UGCG: variants seen among roughly 807,000 people sequenced by gnomAD.
The protein encoded by UGCG is ceramide glucosyltransferase.
Under a neutral mutation model 49.5 loss-of-function variants are expected in UGCG, and 10 were observed. That is an observed-to-expected ratio of 0.20 (90% confidence interval 0.12 to 0.34). The LOEUF (loss-of-function observed/expected upper bound fraction) is 0.34. Ranked by LOEUF, UGCG falls within the 10% of genes least tolerant of loss-of-function variation. The pLI, the probability that UGCG is intolerant of heterozygous loss-of-function variation, is 1.00. For synonymous variants in UGCG, 182 were observed against 158.2 expected (o/e 1.15, Z -1.13); for missense variants, 312 against 483.7 (o/e 0.65, Z 3.33).
rs536001364 is a variant in UGCG, at chr9:111,929,217, A to T, written c.559-283A>T. 1.1e-4 allele frequency: 33 copies of T among 288,000 alleles called. No homozygotes were observed. The South Asian group carries it at 1.4e-3, about 12-fold the overall frequency. 17.8% of individuals were successfully genotyped at this position (288,000 alleles called of 1,614,324 possible). On this transcript the variant is annotated intron_variant, in intron 5 of 8. Coordinates refer to ENST00000374279, the MANE Select transcript of UGCG (RefSeq NM_003358.3). ...TATTTACATGAACACCCTAAAAACA[A>T]GATACATTGAATATTTGTTAATATT... is the stretch of plus-strand genomic sequence containing the variant.
At chr9:111,925,998 T>C (rs1051971034) in intron 4 of UGCG, among the ~76,000 whole-genome samples, 1 of 152,174 alleles carries the variant, frequency 6.6e-6, no homozygotes, top group African/African-American at 2.4e-5. Flanking sequence ...TTTCCTATGG[T>C]TGGAGAGTAG....
At chr9:111,915,805 A>G in intron 2 of UGCG, 1 of 985,170 alleles carries the variant, frequency 1.0e-6, no homozygotes, top group Non-Finnish European at 1.2e-6. Flanking sequence ...GAGAAGACAC[A>G]GATGTGATAG....
chr9:111,909,863 A>G (rs1172083224), intron 1 of UGCG, among the ~76,000 whole-genome samples: 1 of 152,214 alleles, frequency 6.6e-6, no homozygotes, highest in Non-Finnish European at 1.5e-5. Context: ...GGGGTACACA[A>G]CAAACTGACC....
Position 111,933,948 on chromosome 9 carries a change from A to G in UGCG, c.*951A>G, listed in dbSNP as rs554701894. 7 of 152,156 alleles carry G rather than the reference A, an allele frequency of 4.6e-5. No homozygotes were observed. The highest frequency in any genetic ancestry group is 2.1e-4 in the South Asian group (1 of 4,824). 9.4% of individuals were successfully genotyped at this position (152,156 alleles called of 1,614,324 possible). A position where few individuals can be genotyped will look rare whatever the true frequency, so the allele number is the denominator to read the frequency against. On this transcript the variant is annotated 3_prime_UTR_variant, in exon 9 of 9. Transcript: ENST00000374279. ...TTCAGACACATTTCACACATGAGCT[A>G]TTTTCTTACACAGTATGTCTTATTG...
At chr9:111,915,747 CT>C in intron 2 of UGCG, 1 of 978,782 alleles carries the variant, frequency 1.0e-6, no homozygotes, top group Non-Finnish European at 1.2e-6. Context: ...GCTCTTATTT[CT>C]TTTCTTTTAG....
intron 1 of UGCG, among the ~76,000 whole-genome samples, chr9:111,910,665 T>G (rs757821718): frequency 6.6e-6 from 1 of 152,328 alleles, no homozygotes; most frequent in Middle Eastern, 3.4e-3. Context: ...TCTCTTGGGT[T>G]TTGTTCAGGT....
intron 3 of UGCG, 65 bp from the exon 4 acceptor site, chr9:111,924,712 C>A: frequency 1.3e-6 from 1 of 790,890 alleles, no homozygotes; most frequent in Non-Finnish European, 1.9e-6. Flanking sequence ...TATCATGTAT[C>A]TTTATACTAT....
intron 1 of UGCG, among the ~76,000 whole-genome samples, chr9:111,911,261 G>GTCTTGAAGCATGGACTGAGCTT (rs1837990180): frequency 1.3e-5 from 2 of 152,194 alleles, no homozygotes; most frequent in African/African-American, 4.8e-5. Flanking sequence ...ATGGACTCTA[G>GTCTTGAAGCATGGACTGAGCTT]CACTCAGTCA....
At chr9:111,910,568 T>G (rs907348810) in intron 1 of UGCG, among the ~76,000 whole-genome samples, 3 of 152,160 alleles carry the variant, frequency 2.0e-5, no homozygotes, top group African/African-American at 7.2e-5. Flanking sequence ...CTGATGTCAG[T>G]GATTGTAACT....
intron 1 of UGCG, among the ~76,000 whole-genome samples, chr9:111,906,618 C>T (rs974522799): frequency 3.3e-5 from 5 of 151,800 alleles, no homozygotes; most frequent in Non-Finnish European, 5.9e-5. Flanking sequence ...TTAGTAGAGA[C>T]GGGGTTTCAC....
intron 2 of UGCG, among the ~76,000 whole-genome samples, chr9:111,917,298 C>G (rs569915950): frequency 1.3e-4 from 20 of 152,322 alleles, no homozygotes; most frequent in African/African-American, 4.3e-4. Context: ...TTTGATTTCA[C>G]AGCATTTTAT....
chr9:111,921,648 C>CA (rs1329952563), intron 2 of UGCG, among the ~76,000 whole-genome samples: 42,679 of 120,560 alleles, frequency 0.35, 6,833 homozygotes, highest in African/African-American at 0.43. Flanking sequence ...GACTCTGTCT[C>CA]AAAAAAAAAA....
intron 1 of UGCG, among the ~76,000 whole-genome samples, chr9:111,908,310 A>C (rs544238691): frequency 6.6e-6 from 1 of 152,344 alleles, no homozygotes; most frequent in East Asian, 1.9e-4. Flanking sequence ...AACATAACGC[A>C]ACCCAAAGAG....
chr9:111,902,104 T>C (rs1778665422), intron 1 of UGCG, among the ~76,000 whole-genome samples: 1 of 152,226 alleles, frequency 6.6e-6, no homozygotes, highest in Non-Finnish European at 1.5e-5. Flanking sequence ...TCTTTTTTCT[T>C]TCTCTTCCTT....
intron 1 of UGCG, among the ~76,000 whole-genome samples, chr9:111,913,656 T>G (rs1473402253): frequency 2.7e-5 from 4 of 149,980 alleles, no homozygotes; most frequent in Non-Finnish European, 5.9e-5. Flanking sequence ...GCCAGGCTGG[T>G]CTCGAACTCC....
At chr9:111,927,743 G>A (rs1220053749) in intron 5 of UGCG, among the ~76,000 whole-genome samples, 1 of 152,152 alleles carries the variant, frequency 6.6e-6, no homozygotes, top group Non-Finnish European at 1.5e-5. Flanking sequence ...GAGCCACCAC[G>A]CCCGGCAGGA....
At chr9:111,923,173 C>T (rs1838257363) in intron 3 of UGCG, among the ~76,000 whole-genome samples, 1 of 151,926 alleles carries the variant, frequency 6.6e-6, no homozygotes, top group Non-Finnish European at 1.5e-5. Flanking sequence ...ATATTTTTCC[C>T]ATTAATCAGA....
At position 111,914,622 on chromosome 9, in the gene UGCG, A is replaced by T. The variant is rs1742209193; in HGVS notation, c.116A>T (p.Lys39Met). 6.2e-7 allele frequency: 1 copy of T among 1,613,878 alleles called. No homozygotes were observed. The highest frequency in any genetic ancestry group is 1.7e-5 in the Admixed American group (1 of 59,984). ...AIIYTRLHLN[K>M]KATDKQPYSK... ...CTTTTTAGCCGATTACACCTCAACA[A>T]GAAGGCAACTGACAAACAGCCTTAT... Residue 39 changes from lysine (K) to methionine (M), a missense_variant, in exon 2 of 9, where the codon AAG (lysine) becomes ATG (methionine). Physicochemically the swap from Lys to Met is moderately conservative, Grantham distance 95 (BLOSUM62 -1). Around this residue, in one of 4 missense-constraint regions of UGCG, gnomAD observed 65 missense variants for 74.7 expected, o/e 0.87. Coordinates refer to ENST00000374279, the MANE Select transcript of UGCG (RefSeq NM_003358.3).
chr9:111,914,717 G>A lies in UGCG; in HGVS notation c.211G>A (p.Glu71Lys). The A allele has an allele frequency of 3.1e-6, 5 of 1,613,966 alleles. No individual in the cohort carries two copies. Among genetic ancestry groups the A allele is most frequent in the Non-Finnish European group, 4.2e-6 (5 of 1,179,950 alleles). ...GVDPNLINNL[E>K]TFFELDYPKY... ...AGATCCTAACTTAATCAACAACCTG[G>A]AAACATTCTTTGAATTGGATTATCC... The change falls in exon 2 of 9, where the codon GAA (glutamate) becomes AAA (lysine). Residue 71 changes from glutamate to lysine, a missense_variant. Transcript: ENST00000374279.
Sources: allele counts gnomAD v4.1 joint callset (sites outside exome capture counted in the v4.1 genomes callset), GRCh38; gene constraint gnomAD v4.1.1; regional missense constraint gnomAD v4.1.1; transcripts MANE v1.5; gene names NCBI Gene and HGNC (gene_info 2026-07-23, HGNC 2026-07-21).